Variants in CDKAL1 observed in about 807,000 individuals in gnomAD.
CDKAL1 encodes threonylcarbamoyladenosine tRNA methylthiotransferase.
Under a neutral mutation model 68.2 loss-of-function variants are expected in CDKAL1, and 32 were observed. That is an observed-to-expected ratio of 0.47 (90% CI 0.35 to 0.63). The LOEUF (loss-of-function observed/expected upper bound fraction) is 0.63. CDKAL1 is among the 30% of genes least tolerant of loss of function. The probability of loss-of-function intolerance (pLI) is 0.00; values close to 1 mark genes in which losing one functional copy is unlikely to be tolerated. For synonymous variants in CDKAL1, 234 were observed against 244.3 expected (o/e 0.96, Z 0.39); for missense variants, 606 against 696.7 (o/e 0.87, Z 1.47).
intron 15 of CDKAL1, among the ~76,000 whole-genome samples, chr6:21,205,696 A>C (rs1778887147): frequency 1.3e-5 from 2 of 149,388 alleles, no homozygotes; most frequent in South Asian, 2.1e-4. Flanking sequence ...ACGCCCAGCT[A>C]ATTGTTTTGT....
At chr6:21,189,400 C>A (rs928685180) in intron 13 of CDKAL1, among the ~76,000 whole-genome samples, 9 of 152,200 alleles carry the variant, frequency 5.9e-5, no homozygotes, top group Non-Finnish European at 1.2e-4. Flanking sequence ...TACTCCACTT[C>A]AAAGGAACAT....
intron 5 of CDKAL1, among the ~76,000 whole-genome samples, chr6:20,671,793 C>G (rs1769829023): frequency 6.6e-6 from 1 of 151,814 alleles, no homozygotes; most frequent in Non-Finnish European, 1.5e-5. Context: ...AGTGGCTGTT[C>G]ACAGGTGCAA....
At chr6:21,194,498 G>T (rs1427131042) in intron 13 of CDKAL1, among the ~76,000 whole-genome samples, 1 of 152,190 alleles carries the variant, frequency 6.6e-6, no homozygotes, top group African/African-American at 2.4e-5. Flanking sequence ...TGTGGTCTTA[G>T]AGTCCTGAAG....
At chr6:21,004,130 G>A (rs560938676) in intron 11 of CDKAL1, among the ~76,000 whole-genome samples, 1 of 152,142 alleles carries the variant, frequency 6.6e-6, no homozygotes, top group Non-Finnish European at 1.5e-5. Context: ...ATTTAAGATT[G>A]AAATCCAAAC....
intron 4 of CDKAL1, among the ~76,000 whole-genome samples, chr6:20,574,467 C>T (rs1454240987): frequency 6.6e-6 from 1 of 152,150 alleles, no homozygotes; most frequent in Admixed American, 6.5e-5. Context: ...TCATAGTTTA[C>T]TGTGATATCC....
chr6:21,195,485 A>T (rs973824909), intron 13 of CDKAL1, among the ~76,000 whole-genome samples: 3 of 99,296 alleles, frequency 3.0e-5, no homozygotes, highest in South Asian at 6.1e-4. Context: ...TTTTTTATTT[A>T]TTTATTTATT....
At chr6:20,773,011 A>G (rs1775011524) in intron 7 of CDKAL1, 1 of 152,196 alleles carries the variant, frequency 6.6e-6, no homozygotes, top group Non-Finnish European at 1.5e-5. Context: ...TCATTTTAAT[A>G]TCTTTTTCTA....
chr6:20,587,604 C>A (rs769088747), intron 4 of CDKAL1, among the ~76,000 whole-genome samples: 9 of 151,694 alleles, frequency 5.9e-5, no homozygotes, highest in Non-Finnish European at 1.0e-4. Flanking sequence ...GTGGTGGTGC[C>A]CACCTGTAGT....
At chr6:20,695,450 C>A (rs1350043002) in intron 5 of CDKAL1, among the ~76,000 whole-genome samples, 6 of 152,170 alleles carry the variant, frequency 3.9e-5, no homozygotes, top group Non-Finnish European at 8.8e-5. Flanking sequence ...GGATGGACAT[C>A]ATTTTCTCAT....
intron 4 of CDKAL1, among the ~76,000 whole-genome samples, chr6:20,571,833 T>C (rs1230735882): frequency 1.3e-5 from 2 of 152,140 alleles, no homozygotes; most frequent in Non-Finnish European, 2.9e-5. Context: ...TTGATGTATT[T>C]GCTGAAGATC....
intron 9 of CDKAL1, among the ~76,000 whole-genome samples, chr6:20,920,051 G>A (rs1466537797): frequency 6.6e-6 from 1 of 151,992 alleles, no homozygotes. Flanking sequence ...GCTGGATTGG[G>A]GATTGTTCCT....
Position 21,161,244 on chromosome 6 carries a change from C to T in CDKAL1, c.1300-36777C>T, listed in dbSNP as rs114401606. ...GCTACATTTTTTCCCTCCCCTCCAA[C>T]GATATCGTATGAGATTGACGTTATC... is the stretch of plus-strand genomic sequence containing the variant. On this transcript the variant is annotated intron_variant, in intron 13 of 15. Transcript: ENST00000274695. Among the ~76,000 whole-genome samples, 619 of 152,138 alleles carry T rather than the reference C, an allele frequency of 4.1e-3. 2 individuals carry two copies. The highest frequency in any genetic ancestry group is 0.014 in the African/African-American group (569 of 41,532).
intron 8 of CDKAL1, among the ~76,000 whole-genome samples, chr6:20,810,962 C>T (rs1323549743): frequency 1.3e-5 from 2 of 152,058 alleles, no homozygotes; most frequent in Non-Finnish European, 2.9e-5. Context: ...GTTCTTTGTC[C>T]AACTTGGCCA....
At chr6:20,823,623 C>G (rs1185891767) in intron 8 of CDKAL1, among the ~76,000 whole-genome samples, 1 of 152,102 alleles carries the variant, frequency 6.6e-6, no homozygotes, top group Non-Finnish European at 1.5e-5. Flanking sequence ...AAAAATGTTC[C>G]TGGAGTTACT....
At chr6:20,942,953 C>CAAAA (rs70990084) in intron 9 of CDKAL1, among the ~76,000 whole-genome samples, 2 of 113,302 alleles carry the variant, frequency 1.8e-5, no homozygotes, top group African/African-American at 6.9e-5. Flanking sequence ...GATTCTGTCT[C>CAAAA]AAAAAAAAAA....
chr6:21,098,720 T>C (rs932678046), intron 12 of CDKAL1, among the ~76,000 whole-genome samples: 7 of 151,958 alleles, frequency 4.6e-5, no homozygotes, highest in African/African-American at 1.7e-4. Context: ...TTCTTTCTGT[T>C]TGGGAGGATC....
At position 20,840,031 on chromosome 6, in the gene CDKAL1, T is replaced by C. The variant is rs146259480; in HGVS notation, c.639-6044T>C. ...CTTACACAGAATAAGTCAGTGTTTC[T>C]TAAGAGAAGTACAGAGTACAATTGG... On this transcript the variant is annotated intron_variant, in intron 8 of 15. Coordinates refer to ENST00000274695, the MANE Select transcript of CDKAL1 (RefSeq NM_017774.3). Among the ~76,000 whole-genome samples, 338 of 152,340 alleles carry C rather than the reference T, an allele frequency of 2.2e-3. 1 individual carries two copies. Among genetic ancestry groups the C allele is most frequent in the Middle Eastern group, 0.01 (3 of 294 alleles).
chr6:20,870,838 A>G (rs1367543117), intron 9 of CDKAL1, among the ~76,000 whole-genome samples: 5 of 152,228 alleles, frequency 3.3e-5, no homozygotes, highest in Non-Finnish European at 5.9e-5. Context: ...AGAAATCATC[A>G]TAATGATTGA....
intron 5 of CDKAL1, among the ~76,000 whole-genome samples, chr6:20,701,412 G>GC (rs990649548): frequency 6.6e-5 from 10 of 152,260 alleles, no homozygotes; most frequent in African/African-American, 2.4e-4. Flanking sequence ...GTAGCTCTCT[G>GC]CTTTTAGACT....
Sources: allele counts gnomAD v4.1 joint callset (sites outside exome capture counted in the v4.1 genomes callset), GRCh38; gene constraint gnomAD v4.1.1; transcripts MANE v1.5; gene names NCBI Gene and HGNC (gene_info 2026-07-23, HGNC 2026-07-21).